Variants in ANAPC10 observed in about 807,000 individuals in gnomAD.
The protein encoded by ANAPC10 is anaphase-promoting complex subunit 10.
A neutral mutation model predicts 22.0 loss-of-function variants in ANAPC10; 12 were observed. The ratio of observed to expected loss-of-function variants is 0.55; its 90% CI spans 0.35 to 0.88. The LOEUF (loss-of-function observed/expected upper bound fraction) is 0.88, where lower values mean the gene tolerates loss of function less well. Ranked by LOEUF, ANAPC10 falls within the 40% of genes least tolerant of loss-of-function variation. ANAPC10 has a pLI of 0.01. For synonymous variants in ANAPC10, 65 were observed against 69.5 expected (o/e 0.94, Z 0.32); for missense variants, 188 against 220.9 (o/e 0.85, Z 0.94).
At chr4:145,061,623 T>C (rs931996226) in intron 4 of ANAPC10, among the ~76,000 whole-genome samples, 6 of 152,198 alleles carry the variant, frequency 3.9e-5, no homozygotes, top group African/African-American at 1.2e-4. Context: ...TGAGGAGCTA[T>C]ATGATAAATC....
intron 2 of ANAPC10, among the ~76,000 whole-genome samples, chr4:145,090,784 A>G (rs1329423914): frequency 6.6e-6 from 1 of 152,202 alleles, no homozygotes; most frequent in Non-Finnish European, 1.5e-5. Context: ...GCACTAAATA[A>G]AAGTTATTAA....
intron 4 of ANAPC10, among the ~76,000 whole-genome samples, chr4:145,046,016 T>G (rs1740245661): frequency 6.6e-6 from 1 of 152,128 alleles, no homozygotes; most frequent in South Asian, 2.1e-4. Context: ...TTTGTTCAAT[T>G]GTTGGGCCAA....
At chr4:145,069,569 A>C (rs1744193405) in intron 3 of ANAPC10, among the ~76,000 whole-genome samples, 1 of 152,168 alleles carries the variant, frequency 6.6e-6, no homozygotes, top group Non-Finnish European at 1.5e-5. Flanking sequence ...TCAAATACCT[A>C]AGACATTCGT....
intron 4 of ANAPC10, among the ~76,000 whole-genome samples, chr4:144,999,533 C>G (rs371617333): frequency 6.6e-6 from 1 of 152,216 alleles, no homozygotes; most frequent in East Asian, 1.9e-4. Flanking sequence ...CTACAAACCA[C>G]TGCTCAATGA....
At chr4:145,089,461 T>G (rs1747363717) in intron 2 of ANAPC10, among the ~76,000 whole-genome samples, 1 of 152,182 alleles carries the variant, frequency 6.6e-6, no homozygotes, top group African/African-American at 2.4e-5. Context: ...TGGATTAATT[T>G]GGTGCTTATG....
At position 145,065,398 on chromosome 4, in the gene ANAPC10, G is replaced by A. The variant is rs1016364858; in HGVS notation, c.207-706C>T. Reference sequence around the variant, plus strand: ...GAGATATTAGTTTTATCATCATATTGGAAAATATTTAAACAACTGATAGTA... The same window carrying A: ...GAGATATTAGTTTTATCATCATATTAGAAAATATTTAAACAACTGATAGTA... On this transcript the variant is annotated intron_variant, in intron 3 of 4. Transcript: ENST00000507656. Among the ~76,000 whole-genome samples the A allele has an allele frequency of 3.3e-5, 5 of 151,872 alleles. 1 individual carries two copies. Among genetic ancestry groups the A allele is most frequent in the African/African-American group, 1.2e-4 (5 of 41,370 alleles).
At chr4:145,008,119 T>TC (rs1733709723) in intron 4 of ANAPC10, among the ~76,000 whole-genome samples, 1 of 151,966 alleles carries the variant, frequency 6.6e-6, no homozygotes. Context: ...ACATACACCC[T>TC]CCCAAGACTA....
At chr4:145,066,049 G>A (rs1743625421) in intron 3 of ANAPC10, among the ~76,000 whole-genome samples, 1 of 152,028 alleles carries the variant, frequency 6.6e-6, no homozygotes, top group South Asian at 2.1e-4. Flanking sequence ...TGCTTTAAAA[G>A]TTAAGTTCTA....
rs1731457102 is a variant in ANAPC10 at position 144,995,369 on chromosome 4, A to G, written c.*4T>C. On this transcript the variant is annotated 3_prime_UTR_variant, in exon 5 of 5. Transcript: ENST00000507656. ...CGTTTAATGATTTTCGTCTCATTTT[A>G]AAGTCACCTTATTGAACGATACATC... 1 of 1,581,332 alleles carries G rather than the reference A, an allele frequency of 6.3e-7. No homozygotes were observed. The highest frequency in any genetic ancestry group is 1.3e-5 in the African/African-American group (1 of 74,102).
chr4:145,047,385 G>A (rs748397159), intron 4 of ANAPC10, among the ~76,000 whole-genome samples: 2 of 152,088 alleles, frequency 1.3e-5, no homozygotes, highest in Non-Finnish European at 2.9e-5. Context: ...TGCGTTCAAT[G>A]GCGAGTACAA....
rs1371219931 is a variant in ANAPC10 at position 145,081,720 on chromosome 4, T to C, written c.146A>G (p.Asn49Ser). 10 of 1,612,928 alleles carry C rather than the reference T, an allele frequency of 6.2e-6. No homozygotes were observed. The highest frequency in any genetic ancestry group is 8.5e-6 in the Non-Finnish European group (10 of 1,179,590). Reference protein sequence around the residue: ...GFGVDQLRDDNLETYWQSDGS... With the variant: ...GFGVDQLRDDSLETYWQSDGS... ...ATCTGATTGCCAATAAGTTTCTAGATTGTCATCTCGTAACTGATCCACTCC... is the reference window on the plus strand; with the variant it reads ...ATCTGATTGCCAATAAGTTTCTAGACTGTCATCTCGTAACTGATCCACTCC... Residue 49 changes from asparagine to serine, a missense_variant, in exon 3 of 5, where the codon AAT (asparagine) becomes AGT (serine). Asn to Ser is a conservative substitution (Grantham distance 46, BLOSUM62 1). Transcript: ENST00000507656.
chr4:145,080,671 G>A (rs1745862790), intron 3 of ANAPC10, among the ~76,000 whole-genome samples: 1 of 152,162 alleles, frequency 6.6e-6, no homozygotes, highest in African/African-American at 2.4e-5. Flanking sequence ...CACTTTGGGA[G>A]GCCGAGGCGG....
chr4:145,034,587 C>T (rs1369036024), intron 4 of ANAPC10, among the ~76,000 whole-genome samples: 1 of 143,612 alleles, frequency 7.0e-6, no homozygotes, highest in African/African-American at 2.7e-5. Context: ...ATATATCCCA[C>T]ATACATATCC....
intron 2 of ANAPC10, among the ~76,000 whole-genome samples, chr4:145,087,780 C>T (rs1747110004): frequency 6.6e-6 from 1 of 152,146 alleles, no homozygotes; most frequent in Admixed American, 6.5e-5. Flanking sequence ...GGCGCAATGA[C>T]TCATGCCTAT....
chr4:145,023,994 T>C (rs1428457694), intron 4 of ANAPC10, among the ~76,000 whole-genome samples: 1 of 152,226 alleles, frequency 6.6e-6, no homozygotes. Context: ...TGATGTAATA[T>C]TCTAAATCCT....
intron 4 of ANAPC10, among the ~76,000 whole-genome samples, chr4:145,002,257 G>T (rs1732688816): frequency 6.6e-6 from 1 of 152,076 alleles, no homozygotes; most frequent in South Asian, 2.1e-4. Flanking sequence ...TGATCCAAAA[G>T]AAACTTCAGA....
At chr4:145,051,048 C>T (rs906893841) in intron 4 of ANAPC10, among the ~76,000 whole-genome samples, 1 of 152,194 alleles carries the variant, frequency 6.6e-6, no homozygotes, top group Non-Finnish European at 1.5e-5. Flanking sequence ...AACATGCCTT[C>T]TTCATTAAGC....
At chr4:145,002,334 C>G (rs906784161) in intron 4 of ANAPC10, among the ~76,000 whole-genome samples, 2 of 152,112 alleles carry the variant, frequency 1.3e-5, no homozygotes, top group Non-Finnish European at 2.9e-5. Flanking sequence ...CAGACTCCAA[C>G]TCAAAAGGCT....
chr4:145,014,596 T>C (rs1417603815), intron 4 of ANAPC10, among the ~76,000 whole-genome samples: 1 of 151,942 alleles, frequency 6.6e-6, no homozygotes, highest in Non-Finnish European at 1.5e-5. Context: ...CAGCTGATGC[T>C]CTCTGGAAAG....
Sources: gnomAD v4.1 joint callset for allele counts (sites outside exome capture counted in the v4.1 genomes callset) on GRCh38, gnomAD v4.1.1 for gene constraint, MANE v1.5 for transcripts, NCBI Gene and HGNC (gene_info 2026-07-23, HGNC 2026-07-21) for gene names.